KPNA6: variants seen among roughly 807,000 people sequenced by gnomAD.
The protein encoded by KPNA6 is karyopherin subunit alpha 6, also known as importin subunit alpha-7.
A neutral mutation model predicts 72.0 loss-of-function variants in KPNA6; 9 were observed. The ratio of observed to expected loss-of-function variants is 0.13; its 90% CI spans 0.08 to 0.22. The LOEUF (loss-of-function observed/expected upper bound fraction) is 0.22, where lower values mean the gene tolerates loss of function less well. Ranked by LOEUF, KPNA6 falls within the 10% of genes least tolerant of loss-of-function variation. The probability of loss-of-function intolerance (pLI) is 1.00; values close to 1 mark genes in which losing one functional copy is unlikely to be tolerated. For missense variants in KPNA6, 374 were observed against 655.7 expected, an observed-to-expected ratio of 0.57 and a Z score of 4.69; for synonymous variants, 219 against 242.1, an observed-to-expected ratio of 0.90 and a Z score of 0.89.
At chr1:32,133,516 C>CAA (rs56850687) in intron 1 of KPNA6, among the ~76,000 whole-genome samples, 938 of 43,732 alleles carry the variant, frequency 0.021, 16 homozygotes, top group African/African-American at 0.041. Flanking sequence ...CTAGTCTCTA[C>CAA]AAAAAAAAAA....
In KPNA6 at chr1:32,171,128, T is replaced by C. The variant is rs1199101475; in HGVS notation, c.*234T>C. ...TGTGACAAGAAGGGGACGTGTTGGG[T>C]TTTTCTTCCTTACACTATATTTTGG... is the stretch of plus-strand genomic sequence containing the variant. On this transcript the variant is annotated 3_prime_UTR_variant, in exon 14 of 14. Coordinates refer to ENST00000373625, the MANE Select transcript of KPNA6 (RefSeq NM_012316.5). The C allele has an allele frequency of 3.7e-6, 2 of 533,480 alleles. No individual in the cohort carries two copies. The highest frequency in any genetic ancestry group is 6.7e-6 in the Non-Finnish European group (2 of 297,764). The allele number at this position is 533,480 out of a possible 1,614,324, so 33.0% of individuals were successfully genotyped here. A position where few individuals can be genotyped will look rare whatever the true frequency, so the allele number is the denominator to read the frequency against.
chr1:32,150,022 A>G (rs1205924680), intron 1 of KPNA6, among the ~76,000 whole-genome samples: 1 of 151,804 alleles, frequency 6.6e-6, no homozygotes, highest in Non-Finnish European at 1.5e-5. Context: ...GCTGCTTTTC[A>G]AGATTTTGGT....
intron 8 of KPNA6, 48 bp from the exon 9 acceptor site, chr1:32,162,313 G>A (rs1642253448): frequency 1.3e-6 from 2 of 1,519,540 alleles, no homozygotes; most frequent in East Asian, 4.5e-5. Context: ...TGATAGAGCT[G>A]ATATAGTCTT....
intron 1 of KPNA6, among the ~76,000 whole-genome samples, chr1:32,122,906 G>A (rs1293144856): frequency 6.7e-6 from 1 of 148,962 alleles, no homozygotes; most frequent in Non-Finnish European, 1.5e-5. Flanking sequence ...GCAGTGAGCC[G>A]AGATCGTGCC....
chr1:32,165,906 G>C (rs1642325591), intron 10 of KPNA6, among the ~76,000 whole-genome samples, 199 bp from the exon 11 acceptor site: 1 of 151,140 alleles, frequency 6.6e-6, no homozygotes, highest in Non-Finnish European at 1.5e-5. Context: ...GCTGAGGCTG[G>C]AGAATCACTT....
chr1:32,170,262 A>G (rs1264742067), intron 13 of KPNA6, among the ~76,000 whole-genome samples: 1 of 152,214 alleles, frequency 6.6e-6, no homozygotes, highest in Non-Finnish European at 1.5e-5. Flanking sequence ...TACCATGAGT[A>G]TAATCAGGAT....
intron 2 of KPNA6, among the ~76,000 whole-genome samples, chr1:32,155,326 C>CTTTTTTTTTTTTT (rs1313895233): frequency 7.5e-6 from 1 of 133,358 alleles, no homozygotes; most frequent in Non-Finnish European, 1.6e-5. Flanking sequence ...TTTTTTTTTT[C>CTTTTTTTTTTTTT]TTTTTTTTTT....
rs537520927 is a variant in KPNA6 at position 32,163,021 on chromosome 1, G to A, written c.912-214G>A. Among the ~76,000 whole-genome samples, 189 of 140,998 alleles carry A rather than the reference G, an allele frequency of 1.3e-3. No homozygotes were observed. The Middle Eastern group carries it at 0.026, about 19-fold the overall frequency. The allele number at this position is 140,998 out of a possible 152,430, so 92.5% of individuals were successfully genotyped here. ...CGGGAGGCTGAGGCAGGAGAATGGC[G>A]TGAACCCGGGAGGCAGAGCTTGCAG... On this transcript the variant is annotated intron_variant, in intron 9 of 13. Coordinates refer to ENST00000373625, the MANE Select transcript of KPNA6 (RefSeq NM_012316.5).
intron 9 of KPNA6, 60 bp downstream of exon 9, chr1:32,162,584 C>T: frequency 6.3e-7 from 1 of 1,586,926 alleles, no homozygotes; most frequent in Non-Finnish European, 8.6e-7. Context: ...TGCTTATAAT[C>T]CCAGCACTTT....
chr1:32,156,234 C>T (rs1441759945), intron 2 of KPNA6, among the ~76,000 whole-genome samples: 1 of 151,948 alleles, frequency 6.6e-6, no homozygotes, highest in Non-Finnish European at 1.5e-5. Flanking sequence ...AATCAATAGT[C>T]TCCTCTTCTC....
chr1:32,153,620 A>G (rs945904756), intron 1 of KPNA6, among the ~76,000 whole-genome samples: 3 of 152,068 alleles, frequency 2.0e-5, no homozygotes, highest in Admixed American at 1.3e-4. Context: ...TACAGAAACA[A>G]ACATTTTTCA....
chr1:32,166,184 G>C lies in KPNA6; in HGVS notation c.1070G>C (p.Cys357Ser), dbSNP rs1420291873. The change falls in exon 11 of 14, where the codon TGC becomes TCC. Residue 357 changes from cysteine to serine, a missense_variant. Cys to Ser is a moderately radical substitution (Grantham distance 112). Coordinates refer to ENST00000373625, the MANE Select transcript of KPNA6 (RefSeq NM_012316.5). Reference sequence around the variant, plus strand: ...AAGGAGTCAATCCGGAAGGAAGCTTGCTGGACTATTTCAAATATTACTGCT... The same window carrying C: ...AAGGAGTCAATCCGGAAGGAAGCTTCCTGGACTATTTCAAATATTACTGCT... Reference protein sequence around the residue: ...SPKESIRKEACWTISNITAGN... With the variant: ...SPKESIRKEASWTISNITAGN... The C allele has an allele frequency of 6.2e-7, 1 of 1,614,168 alleles. No individual in the cohort carries two copies. Among genetic ancestry groups the C allele is most frequent in the Admixed American group, 1.7e-5 (1 of 60,016 alleles).
intron 1 of KPNA6, among the ~76,000 whole-genome samples, chr1:32,139,418 C>G (rs1260217849): frequency 6.6e-6 from 1 of 152,148 alleles, no homozygotes; most frequent in Non-Finnish European, 1.5e-5. Context: ...AAGCACACAG[C>G]ATCACCTATA....
chr1:32,163,032 A>C (rs1474924835), intron 9 of KPNA6, among the ~76,000 whole-genome samples: 1 of 151,596 alleles, frequency 6.6e-6, no homozygotes, highest in Admixed American at 6.6e-5. Flanking sequence ...TGAACCCGGG[A>C]GGCAGAGCTT....
intron 1 of KPNA6, among the ~76,000 whole-genome samples, chr1:32,119,800 A>G (rs1641399103): frequency 6.8e-6 from 1 of 147,466 alleles, no homozygotes; most frequent in South Asian, 2.1e-4. Flanking sequence ...GCTAGAGTGC[A>G]GTGGCACGAT....
Position 32,117,359 on chromosome 1 carries a change from A to C in KPNA6, c.4+9225A>C, listed in dbSNP as rs183054786. Among the ~76,000 whole-genome samples the C allele has an allele frequency of 5.4e-3, 826 of 152,088 alleles. 11 individuals carry two copies. The highest frequency in any genetic ancestry group is 0.019 in the African/African-American group (797 of 41,496). On this transcript the variant is annotated intron_variant, in intron 1 of 13. Coordinates refer to ENST00000373625, the MANE Select transcript of KPNA6 (RefSeq NM_012316.5). ...GGCTAACTTTTTGTATTTTTAGTAG[A>C]GATGGGGTTTTACCATCTTGGCCAG... is the stretch of plus-strand genomic sequence containing the variant.
chr1:32,117,626 G>A (rs494291), intron 1 of KPNA6, among the ~76,000 whole-genome samples: 72,196 of 151,876 alleles, frequency 0.48, 20,677 homozygotes, highest in African/African-American at 0.78. Flanking sequence ...CCTGTCTCAA[G>A]ACAAAAACAA....
chr1:32,110,697 C>T lies in KPNA6; in HGVS notation c.4+2563C>T, dbSNP rs139419074. ...GGATCACCTGAGGTCAGGAGGACGA[C>T]ACCAACCTGACCAATAAGGTGAAAC... On this transcript the variant is annotated intron_variant, in intron 1 of 13. Transcript: ENST00000373625. Among the ~76,000 whole-genome samples, 5 of 152,188 alleles carry T rather than the reference C, an allele frequency of 3.3e-5. No individual in the cohort carries two copies. In the East Asian group the frequency reaches 7.7e-4, roughly 24 times the overall value.
chr1:32,160,728 C>G, intron 7 of KPNA6, 25 bp downstream of exon 7: 1 of 1,583,402 alleles, frequency 6.3e-7, no homozygotes, highest in Non-Finnish European at 8.7e-7. Flanking sequence ...TCATCTGTAC[C>G]TGGGCGTCTA....
Sources: allele counts gnomAD v4.1 joint callset (sites outside exome capture counted in the v4.1 genomes callset), GRCh38; gene constraint gnomAD v4.1.1; transcripts MANE v1.5; gene names NCBI Gene and HGNC (gene_info 2026-07-23, HGNC 2026-07-21).